The following TINAG variants were observed in gnomAD, a reference collection of about 807,000 sequenced individuals.
TINAG encodes the protein tubulointerstitial nephritis antigen.
In TINAG, 83 loss-of-function variants were observed where a neutral mutation model predicts 72.7. The ratio of observed to expected loss-of-function variants is 1.14; its 90% CI spans 0.96 to 1.37. The LOEUF is 1.37. Among genes scored for constraint, TINAG ranks in the 40% most tolerant of loss-of-function variants. The pLI, the probability that TINAG is intolerant of heterozygous loss-of-function variation, is 0.00. For missense variants in TINAG, 685 were observed against 576.6 expected, an observed-to-expected ratio of 1.19 and a Z score of -1.93; for synonymous variants, 234 against 189.9, an observed-to-expected ratio of 1.23 and a Z score of -1.91.
At chr6:54,353,404 C>T (rs1404887481) in intron 8 of TINAG, among the ~76,000 whole-genome samples, 2 of 151,896 alleles carry the variant, frequency 1.3e-5, no homozygotes, top group East Asian at 1.9e-4. Flanking sequence ...TGTCTCAGTA[C>T]GAAAGAGTGT....
intron 9 of TINAG, among the ~76,000 whole-genome samples, chr6:54,372,645 A>C (rs1326855129): frequency 6.6e-6 from 1 of 151,426 alleles, no homozygotes; most frequent in African/African-American, 2.4e-5. Flanking sequence ...ACATCTGTAT[A>C]TGCATGTGAT....
At chr6:54,364,613 TA>T (rs1763349712) in intron 9 of TINAG, among the ~76,000 whole-genome samples, 1 of 151,364 alleles carries the variant, frequency 6.6e-6, no homozygotes. Flanking sequence ...TTAAAACCAT[TA>T]TGAGAAAATA....
intron 3 of TINAG, among the ~76,000 whole-genome samples, chr6:54,324,567 G>A (rs1784563054): frequency 6.6e-6 from 1 of 152,070 alleles, no homozygotes; most frequent in African/African-American, 2.4e-5. Flanking sequence ...TCAAAATTTG[G>A]TCTACTGGAT....
At chr6:54,350,349 ACTT>A (rs1218524982) in intron 7 of TINAG, among the ~76,000 whole-genome samples, 13 of 151,986 alleles carry the variant, frequency 8.6e-5, no homozygotes, top group African/African-American at 2.7e-4. Context: ...AGGCGAATTT[ACTT>A]CTTCATATCA....
chr6:54,356,254 G>A (rs900765363), intron 9 of TINAG, among the ~76,000 whole-genome samples: 1 of 151,868 alleles, frequency 6.6e-6, no homozygotes, highest in Non-Finnish European at 1.5e-5. Flanking sequence ...ACCAAATCAG[G>A]CCAGGTGTGG....
At chr6:54,322,986 T>C (rs867122051) in intron 3 of TINAG, among the ~76,000 whole-genome samples, 2 of 152,340 alleles carry the variant, frequency 1.3e-5, no homozygotes, top group Middle Eastern at 6.8e-3. Context: ...TCTAAACCAA[T>C]GTGGTACACC....
intron 8 of TINAG, among the ~76,000 whole-genome samples, chr6:54,352,173 A>G (rs1347647911): frequency 6.6e-6 from 1 of 151,898 alleles, no homozygotes; most frequent in Non-Finnish European, 1.5e-5. Flanking sequence ...AGGGCCCGGA[A>G]TATATTATCA....
intron 5 of TINAG, 47 bp downstream of exon 5, chr6:54,343,396 C>T (rs755844502): frequency 7.2e-7 from 1 of 1,385,114 alleles, no homozygotes; most frequent in South Asian, 2.1e-5. Flanking sequence ...CTCCTTTTGG[C>T]TCTAGAGACT....
intron 1 of TINAG, among the ~76,000 whole-genome samples, chr6:54,310,778 T>C (rs1784232357): frequency 6.7e-6 from 1 of 149,026 alleles, no homozygotes; most frequent in Non-Finnish European, 1.5e-5. Context: ...TTTCTCTCCC[T>C]TTCTTTCTCT....
chr6:54,372,167 T>C (rs919998983), intron 9 of TINAG, among the ~76,000 whole-genome samples: 1 of 151,900 alleles, frequency 6.6e-6, no homozygotes. Flanking sequence ...AATTTTTGTA[T>C]TTTTAATAGA....
intron 9 of TINAG, among the ~76,000 whole-genome samples, chr6:54,366,001 A>G (rs1237461062): frequency 1.3e-5 from 2 of 151,616 alleles, no homozygotes; most frequent in African/African-American, 4.8e-5. Context: ...TGTCTCAAAA[A>G]TATGAATAAA....
chr6:54,386,087 C>T (rs1346978539), intron 10 of TINAG, among the ~76,000 whole-genome samples: 1 of 151,884 alleles, frequency 6.6e-6, no homozygotes, highest in Non-Finnish European at 1.5e-5. Context: ...AGACGGGTTT[C>T]GCCATGTCGC....
At chr6:54,326,600 T>C (rs925702705) in intron 3 of TINAG, among the ~76,000 whole-genome samples, 1 of 152,134 alleles carries the variant, frequency 6.6e-6, no homozygotes, top group Non-Finnish European at 1.5e-5. Context: ...TGGACCTTAT[T>C]TAGGAAGAGT....
chr6:54,353,289 G>T (rs1169450271), intron 8 of TINAG, among the ~76,000 whole-genome samples: 1 of 151,764 alleles, frequency 6.6e-6, no homozygotes, highest in Non-Finnish European at 1.5e-5. Context: ...GAAAAGAAAA[G>T]CCACTAGCAA....
chr6:54,332,493 A>T, intron 4 of TINAG, among the ~76,000 whole-genome samples: 1 of 152,110 alleles, frequency 6.6e-6, no homozygotes, highest in Non-Finnish European at 1.5e-5. Flanking sequence ...ACTTGAACAT[A>T]AGACCTAAAA....
At chr6:54,316,527 C>G (rs1162953504) in intron 1 of TINAG, among the ~76,000 whole-genome samples, 2 of 152,200 alleles carry the variant, frequency 1.3e-5, no homozygotes, top group Non-Finnish European at 2.9e-5. Flanking sequence ...GTGAATGCCA[C>G]TGAACAACCC....
At chr6:54,377,613 G>A (rs1319102997) in intron 9 of TINAG, among the ~76,000 whole-genome samples, 1 of 152,122 alleles carries the variant, frequency 6.6e-6, no homozygotes, top group Non-Finnish European at 1.5e-5. Flanking sequence ...AGAGGTATAT[G>A]TAAAGGGAAA....
At chr6:54,328,346 T>C (rs4712062) in intron 4 of TINAG, among the ~76,000 whole-genome samples, 5 of 152,152 alleles carry the variant, frequency 3.3e-5, no homozygotes, top group Admixed American at 3.3e-4. Flanking sequence ...AGTGGACCTC[T>C]AGCAAACTCC....
At chr6:54,369,891 T>C (rs1763553695) in intron 9 of TINAG, 1 of 152,060 alleles carries the variant, frequency 6.6e-6, no homozygotes, top group African/African-American at 2.4e-5. Context: ...TTAATCTGAA[T>C]TTTTTCAATG....
Sources: allele counts gnomAD v4.1 joint callset (sites outside exome capture counted in the v4.1 genomes callset), GRCh38; gene constraint gnomAD v4.1.1; transcripts MANE v1.5; gene names NCBI Gene and HGNC (gene_info 2026-07-23, HGNC 2026-07-21).